The following HTR2C variants were observed in gnomAD, a reference collection of about 807,000 sequenced individuals.
HTR2C encodes 5-hydroxytryptamine (serotonin) receptor 2C, G protein-coupled.
A neutral mutation model predicts 21.0 loss-of-function variants in HTR2C; 5 were observed. That is an observed-to-expected ratio of 0.24 (90% CI 0.12 to 0.50). The LOEUF is 0.50. Ranked by LOEUF, HTR2C falls within the 20% of genes least tolerant of loss-of-function variation. The pLI is 0.98. For synonymous variants in HTR2C, 150 were observed against 145.3 expected, an observed-to-expected ratio of 1.03 and a Z score of -0.23; for missense variants, 271 against 371.2, an observed-to-expected ratio of 0.73 and a Z score of 2.22.
intron 5 of HTR2C, among the ~76,000 whole-genome samples, chrX:114,888,356 A>C (rs782212655): frequency 9.0e-6 from 1 of 111,641 alleles, no homozygotes; most frequent in East Asian, 2.9e-4. Flanking sequence ...TTCGGGACCC[A>C]GTATTTTCAG....
In HTR2C at chrX:114,678,786, G is replaced by A. The variant is rs1337538939; in HGVS notation, c.-79-48072G>A. On this transcript the variant is annotated intron_variant, in intron 2 of 5. Coordinates refer to ENST00000276198, the MANE Select transcript of HTR2C (RefSeq NM_000868.4). ...TCCCACCCCCCATTCAGTTTCTCAC[G>A]GATTGCTTTGAAACTGTTAGCCTTA... Among the ~76,000 whole-genome samples the A allele has an allele frequency of 2.7e-5, 3 of 110,885 alleles. No homozygotes were observed. In the Admixed American group the frequency reaches 2.9e-4, roughly 11 times the overall value.
At chrX:114,800,934 T>C (rs2070340005) in intron 4 of HTR2C, among the ~76,000 whole-genome samples, 1 of 111,102 alleles carries the variant, frequency 9.0e-6, no homozygotes, top group African/African-American at 3.3e-5. Context: ...TGTCAGCCAA[T>C]AATGCTTAGT....
chrX:114,863,482 T>C (rs937104984), intron 5 of HTR2C, among the ~76,000 whole-genome samples: 1 of 111,848 alleles, frequency 8.9e-6, no homozygotes, highest in Non-Finnish European at 1.9e-5. Flanking sequence ...TTTCGTGTTA[T>C]TGTAATCTGA....
At chrX:114,882,297 A>T (rs1380943218) in intron 5 of HTR2C, among the ~76,000 whole-genome samples, 4 of 110,687 alleles carry the variant, frequency 3.6e-5, no homozygotes, top group African/African-American at 1.3e-4. Context: ...TCTAACAAAG[A>T]TAGTTTTAAA....
Position 114,687,702 on chromosome X carries a change from A to G in HTR2C, c.-79-39156A>G, listed in dbSNP as rs79842497. On this transcript the variant is annotated intron_variant, in intron 2 of 5. Transcript: ENST00000276198. ...TTACTGTTTTTTAATCAAATAAATA[A>G]TGAGATAGGTAATTCATAGATAAAT... is the stretch of plus-strand genomic sequence containing the variant. 1.8e-4 allele frequency among the ~76,000 whole-genome samples: 20 copies of G among 111,868 alleles called. No homozygotes were observed. In the East Asian group the frequency reaches 5.6e-3, roughly 32 times the overall value.
intron 4 of HTR2C, among the ~76,000 whole-genome samples, chrX:114,833,761 C>T (rs1201064433): frequency 9.0e-6 from 1 of 110,876 alleles, no homozygotes; most frequent in African/African-American, 3.3e-5. Context: ...TGTGTTTGCT[C>T]TTGCTTTTCT....
intron 4 of HTR2C, among the ~76,000 whole-genome samples, chrX:114,812,753 CAA>C (rs55961441): frequency 0.014 from 1,449 of 103,534 alleles, 25 homozygotes; most frequent in African/African-American, 0.052. Context: ...AACAAACAAA[CAA>C]AAAAAAAAAC....
rs782198909 is a variant in HTR2C at position 114,848,009 on chromosome X, T to A, written c.356T>A (p.Val119Asp). 8.3e-7 allele frequency: 1 copy of A among 1,202,416 alleles called. No homozygotes were observed. Among genetic ancestry groups the A allele is most frequent in the South Asian group, 1.8e-5 (1 of 56,579 alleles). ...TCTCTCTGTTCTCTTTCAGATTATG[T>A]CTGGCCACTACCTAGATATTTGTGC... The part of the protein sequence containing the change: ...LSLLAILYDY[V>D]WPLPRYLCPV... The change falls in exon 5 of 6, where the codon GTC becomes GAC. Residue 119 changes from valine to aspartate, a missense_variant. This residue lies in a region of HTR2C where 16 missense variants were observed against 19.2 expected (regional missense o/e 0.83). Coordinates refer to ENST00000276198, the MANE Select transcript of HTR2C (RefSeq NM_000868.4).
At position 114,659,909 on chromosome X, in the gene HTR2C, C is replaced by T. The variant is rs188969198; in HGVS notation, c.-80+46028C>T. Among the ~76,000 whole-genome samples the T allele has an allele frequency of 1.4e-4, 16 of 111,163 alleles. No individual in the cohort carries two copies. In the East Asian group the frequency reaches 4.5e-3, roughly 31 times the overall value. ...GTACAGGTACTCTCCACCATTTTTA[C>T]AATTTTTCTCTAAGTCCAAAATTAT... On this transcript the variant is annotated intron_variant, in intron 2 of 5. Transcript: ENST00000276198.
chrX:114,906,756 G>T lies in HTR2C; in HGVS notation c.718G>T (p.Val240Phe), dbSNP rs782747846. ...MVITYCLTIY[V>F]LRRQALMLLH... ...GATTACGTATTGCCTGACCATCTAC[G>T]TTCTGCGCCGACAAGCTTTGATGTT... The change falls in exon 6 of 6, where the codon GTT becomes TTT. Residue 240 changes from valine (V) to phenylalanine (F), a missense_variant. Physicochemically the swap from Val to Phe is conservative, Grantham distance 50. Transcript: ENST00000276198. 8.3e-7 allele frequency: 1 copy of T among 1,211,073 alleles called. No homozygotes were observed. The highest frequency in any genetic ancestry group is 1.8e-5 in the South Asian group (1 of 56,903).
chrX:114,596,610 C>T, intron 1 of HTR2C, among the ~76,000 whole-genome samples: 1 of 111,448 alleles, frequency 9.0e-6, no homozygotes, highest in East Asian at 2.8e-4. Flanking sequence ...GTATTCAGAA[C>T]TCCTTTGAGT....
At chrX:114,863,227 T>C (rs2071019719) in intron 5 of HTR2C, among the ~76,000 whole-genome samples, 1 of 111,326 alleles carries the variant, frequency 9.0e-6, no homozygotes, top group Admixed American at 9.6e-5. Context: ...GAATGCTGGA[T>C]TATGTGGTAG....
chrX:114,826,856 A>C (rs1446674690), intron 4 of HTR2C, among the ~76,000 whole-genome samples: 2 of 110,984 alleles, frequency 1.8e-5, no homozygotes, highest in Non-Finnish European at 3.8e-5. Context: ...TTTGTTTTCT[A>C]TTTATCCCTT....
chrX:114,855,746 CTTTTTTTTTTTTTT>C (rs782183285), intron 5 of HTR2C, among the ~76,000 whole-genome samples: 5 of 17,930 alleles, frequency 2.8e-4, no homozygotes, highest in Non-Finnish European at 4.6e-4. Context: ...AAGCAACCAT[CTTTTTTTTTTTTTT>C]TTTTTTTTTT....
intron 2 of HTR2C, chrX:114,630,942 C>T: frequency 3.2e-6 from 1 of 310,402 alleles, no homozygotes; most frequent in Non-Finnish European, 6.4e-6. Flanking sequence ...GTCCTATGAC[C>T]TGCCTAAAAA....
chrX:114,653,575 T>C (rs782810574), intron 2 of HTR2C, among the ~76,000 whole-genome samples: 2 of 110,893 alleles, frequency 1.8e-5, no homozygotes, highest in South Asian at 7.5e-4. Flanking sequence ...TGCAACTTGC[T>C]TCTTACTGAC....
chrX:114,700,935 G>C, intron 2 of HTR2C, among the ~76,000 whole-genome samples: 1 of 112,215 alleles, frequency 8.9e-6, no homozygotes, highest in Admixed American at 9.4e-5. Context: ...AGGGTCCTAC[G>C]CCCACGGAGT....
intron 4 of HTR2C, among the ~76,000 whole-genome samples, chrX:114,820,431 A>G (rs1556455883): frequency 9.1e-6 from 1 of 110,149 alleles, no homozygotes; most frequent in African/African-American, 3.3e-5. Flanking sequence ...AAAAATGGCA[A>G]TAATTTAATT....
intron 5 of HTR2C, among the ~76,000 whole-genome samples, chrX:114,871,850 G>C (rs1266878625): frequency 3.8e-5 from 4 of 105,271 alleles, no homozygotes; most frequent in African/African-American, 1.4e-4. Context: ...TTTACTTATA[G>C]GTATTTTCAT....
Sources: allele counts gnomAD v4.1 joint callset (sites outside exome capture counted in the v4.1 genomes callset), GRCh38; gene constraint gnomAD v4.1.1; regional missense constraint gnomAD v4.1.1; transcripts MANE v1.5; gene names NCBI Gene and HGNC (gene_info 2026-07-23, HGNC 2026-07-21).